UQCRC2: variants seen among roughly 807,000 people sequenced by gnomAD.
The protein encoded by UQCRC2 is ubiquinol-cytochrome c reductase core protein 2.
Under a neutral mutation model 55.6 loss-of-function variants are expected in UQCRC2, and 49 were observed. The ratio of observed to expected loss-of-function variants is 0.88; its 90% confidence interval spans 0.70 to 1.12. UQCRC2 has a LOEUF of 1.12. UQCRC2 is among the 50% of genes most tolerant of loss of function. The pLI, the probability that UQCRC2 is intolerant of heterozygous loss-of-function variation, is 0.00. For missense variants in UQCRC2, 506 were observed against 547.8 expected (o/e 0.92, Z 0.76); for synonymous variants, 193 against 192.0 (o/e 1.01, Z -0.04).
intron 2 of UQCRC2, 47 bp from the exon 3 acceptor site, chr16:21,957,370 G>A: frequency 1.2e-6 from 2 of 1,613,634 alleles, no homozygotes; most frequent in South Asian, 2.2e-5. Flanking sequence ...TACTCTCCTT[G>A]GTAATACGAA....
intron 4 of UQCRC2, among the ~76,000 whole-genome samples, chr16:21,960,682 T>C (rs1029069268): frequency 1.3e-5 from 2 of 152,170 alleles, no homozygotes; most frequent in Non-Finnish European, 2.9e-5. Flanking sequence ...TCCTTTCACT[T>C]GTATACTTAG....
Position 21,971,774 on chromosome 16 carries a change from T to C in UQCRC2, c.767-149T>C. On this transcript the variant is annotated intron_variant, in intron 9 of 13. Transcript: ENST00000268379. ...TGTTGTATTTTGAGCATATGTTTTG[T>C]GTGTGTTTGGGGACAGGATGGCATG... 4 of 1,323,372 alleles carry C rather than the reference T, an allele frequency of 3.0e-6. 1 individual carries two copies. The South Asian group carries it at 5.2e-5, about 17-fold the overall frequency. The allele number at this position is 1,323,372 out of a possible 1,614,324, so 82.0% of individuals were successfully genotyped here. A position where few individuals can be genotyped will look rare whatever the true frequency, so the allele number is the denominator to read the frequency against.
chr16:21,953,623 C>T (rs749931601), intron 1 of UQCRC2, among the ~76,000 whole-genome samples, 167 bp downstream of exon 1: 1 of 152,086 alleles, frequency 6.6e-6, no homozygotes, highest in African/African-American at 2.4e-5. Flanking sequence ...TTTGGAGGCC[C>T]AGCTCATGCT....
At chr16:21,956,066 C>T (rs1027092348) in intron 1 of UQCRC2, among the ~76,000 whole-genome samples, 1 of 152,160 alleles carries the variant, frequency 6.6e-6, no homozygotes, top group African/African-American at 2.4e-5. Flanking sequence ...CTCAGGTGAT[C>T]CGCCCACCTT....
Position 21,953,484 on chromosome 16 carries a change from G to A in UQCRC2, c.33+28G>A, listed in dbSNP as rs1454822085. 3.7e-6 allele frequency: 6 copies of A among 1,610,622 alleles called. No homozygotes were observed. The African/African-American group carries it at 8.0e-5, about 22-fold the overall frequency. Reference sequence around the variant, plus strand: ...GAGCTCAGGTGGCGGGTTTGGGAAAGGGCTGGGGAGCAGTGTGTCGACAAG... The same window carrying A: ...GAGCTCAGGTGGCGGGTTTGGGAAAAGGCTGGGGAGCAGTGTGTCGACAAG... On this transcript the variant is annotated intron_variant, in intron 1 of 13. Coordinates refer to ENST00000268379, the MANE Select transcript of UQCRC2 (RefSeq NM_003366.4).
chr16:21,982,263 T>G (rs1005664374), intron 13 of UQCRC2, among the ~76,000 whole-genome samples: 3 of 152,118 alleles, frequency 2.0e-5, no homozygotes, highest in East Asian at 1.9e-4. Context: ...TGACAGAATA[T>G]GGGGGCTGCT....
intron 1 of UQCRC2, among the ~76,000 whole-genome samples, chr16:21,954,183 G>T (rs1192033800): frequency 6.6e-6 from 1 of 152,164 alleles, no homozygotes; most frequent in South Asian, 2.1e-4. Context: ...TGCCCCCAGG[G>T]AACCGGTGGC....
Position 21,983,366 on chromosome 16 carries a change from T to G in UQCRC2, c.*195T>G, listed in dbSNP as rs948255732. 1 of 534,726 alleles carries G rather than the reference T, an allele frequency of 1.9e-6. No individual in the cohort carries two copies. Among genetic ancestry groups the G allele is most frequent in the African/African-American group, 1.9e-5 (1 of 51,318 alleles). 33.1% of individuals were successfully genotyped at this position (534,726 alleles called of 1,614,324 possible). A position where few individuals can be genotyped will look rare whatever the true frequency, so the allele number is the denominator to read the frequency against. ...TGTTTAAGTGTTTTTCTTACGTTTT[T>G]CTCAATGAGTTAATCAACAAGTATT... On this transcript the variant is annotated 3_prime_UTR_variant, in exon 14 of 14. Coordinates refer to ENST00000268379, the MANE Select transcript of UQCRC2 (RefSeq NM_003366.4).
chr16:21,982,054 A>G (rs1482145431), intron 13 of UQCRC2, among the ~76,000 whole-genome samples: 1 of 151,658 alleles, frequency 6.6e-6, no homozygotes, highest in East Asian at 2.0e-4. Context: ...GTTAGCCAGG[A>G]TGGTCTCGAT....
At chr16:21,976,440 C>G in intron 12 of UQCRC2, 197 bp downstream of exon 12, 1 of 467,598 alleles carries the variant, frequency 2.1e-6, no homozygotes. Context: ...CTCACTAATC[C>G]CAGCACTTTG....
Position 21,957,293 on chromosome 16 carries a change from C to A in UQCRC2, c.92C>A (p.Ala31Glu), listed in dbSNP as rs765232691. Residue 31 changes from alanine (A) to glutamate (E), a missense_variant, in exon 2 of 14, where the codon GCA becomes GAA. Transcript: ENST00000268379. Reference protein sequence around the residue: ...KVKATAAPAGAPPQPQDLEFT... With the variant: ...KVKATAAPAGEPPQPQDLEFT... ...AAAGCCACAGCTGCGCCTGCAGGAG[C>A]ACCGCCACAACCTCAGGACCTTGAG... The A allele has an allele frequency of 1.9e-6, 3 of 1,614,014 alleles. No homozygotes were observed. The highest frequency in any genetic ancestry group is 1.7e-6 in the Non-Finnish European group (2 of 1,179,966).
intron 7 of UQCRC2, among the ~76,000 whole-genome samples, chr16:21,968,076 A>G (rs978196005): frequency 6.9e-6 from 1 of 143,924 alleles, no homozygotes; most frequent in Non-Finnish European, 1.5e-5. Context: ...ATCTCAGCTC[A>G]CTGCAACCTC....
chr16:21,972,055 A>C lies in UQCRC2; in HGVS notation c.899A>C (p.Lys300Thr). ...QHVLGAGPHV[K>T]RGSNTTSHLH... Reference sequence around the variant, plus strand: ...GTCCTCGGTGCTGGGCCACATGTCAAGAGGGGCAGCAACACCACCAGCCAT... The same window carrying C: ...GTCCTCGGTGCTGGGCCACATGTCACGAGGGGCAGCAACACCACCAGCCAT... The change falls in exon 10 of 14, where the codon AAG (lysine) becomes ACG (threonine). Residue 300 changes from lysine to threonine, a missense_variant. By Grantham distance (78) the Lys-to-Thr change is moderately conservative. Transcript: ENST00000268379. 2.5e-6 allele frequency: 4 copies of C among 1,614,164 alleles called. No homozygotes were observed. The highest frequency in any genetic ancestry group is 3.4e-6 in the Non-Finnish European group (4 of 1,180,018).
intron 8 of UQCRC2, among the ~76,000 whole-genome samples, chr16:21,970,928 G>GT (rs891863271): frequency 4.6e-4 from 68 of 146,942 alleles, no homozygotes; most frequent in Admixed American, 5.4e-4. Context: ...CCATTTTTAA[G>GT]TTTTTTTTTT....
At chr16:21,967,890 TTATA>T (rs1289861478) in intron 7 of UQCRC2, among the ~76,000 whole-genome samples, 3 of 152,302 alleles carry the variant, frequency 2.0e-5, no homozygotes, top group Admixed American at 6.5e-5. Flanking sequence ...TCATTACTAC[TTATA>T]TAAACACAAA....
chr16:21,972,196 A>G (rs1364475500), intron 10 of UQCRC2, 74 bp downstream of exon 10: 1 of 1,494,996 alleles, frequency 6.7e-7, no homozygotes, highest in African/African-American at 1.4e-5. Flanking sequence ...CTGATAATCT[A>G]CTCTTAAAAT....
intron 2 of UQCRC2, 42 bp from the exon 3 acceptor site, chr16:21,957,375 T>C: frequency 6.2e-7 from 1 of 1,613,872 alleles, no homozygotes; most frequent in Non-Finnish European, 8.5e-7. Context: ...TCCTTGGTAA[T>C]ACGAAGACAT....
At chr16:21,972,753 A>G (rs1898492588) in intron 10 of UQCRC2, among the ~76,000 whole-genome samples, 1 of 152,156 alleles carries the variant, frequency 6.6e-6, no homozygotes, top group East Asian at 1.9e-4. Context: ...CTAGTTCAGA[A>G]CTCAGCCAGA....
chr16:21,976,064 A>G, intron 11 of UQCRC2, 103 bp from the exon 12 acceptor site: 1 of 731,958 alleles, frequency 1.4e-6, no homozygotes, highest in Non-Finnish European at 2.4e-6. Flanking sequence ...TTTGTCTGGA[A>G]CTAACCTTCC....
Sources: allele counts gnomAD v4.1 joint callset (sites outside exome capture counted in the v4.1 genomes callset), GRCh38; gene constraint gnomAD v4.1.1; transcripts MANE v1.5; gene names NCBI Gene and HGNC (gene_info 2026-07-23, HGNC 2026-07-21).